PHACTR3: variants seen among roughly 807,000 people sequenced by gnomAD.
PHACTR3 encodes protein phosphatase 1, regulatory subunit 123.
A neutral mutation model predicts 66.8 loss-of-function variants in PHACTR3; 16 were observed. That is an observed-to-expected ratio of 0.24 (90% CI 0.16 to 0.36). The LOEUF (loss-of-function observed/expected upper bound fraction) is 0.36. Among genes scored for constraint, PHACTR3 ranks in the 10% least tolerant of loss-of-function variants. The pLI is 1.00. For missense variants in PHACTR3, 647 were observed against 719.9 expected (o/e 0.90, Z 1.16); for synonymous variants, 323 against 292.1 (o/e 1.11, Z -1.08).
chr20:59,748,023 G>A (rs1465596469), intron 3 of PHACTR3, among the ~76,000 whole-genome samples, 188 bp downstream of exon 3: 4 of 152,176 alleles, frequency 2.6e-5, no homozygotes, highest in Admixed American at 2.0e-4. Context: ...GCCCCCAGGG[G>A]CACGGGAGAC....
chr20:59,788,651 G>A (rs1056842223), intron 7 of PHACTR3, among the ~76,000 whole-genome samples: 5 of 152,090 alleles, frequency 3.3e-5, no homozygotes, highest in Non-Finnish European at 5.9e-5. Flanking sequence ...TCCATCCCTG[G>A]CTCCAGCTCT....
intron 8 of PHACTR3, among the ~76,000 whole-genome samples, chr20:59,826,091 T>G (rs1414320403): frequency 6.6e-6 from 1 of 151,012 alleles, no homozygotes; most frequent in African/African-American, 2.4e-5. Flanking sequence ...TATAAGACAC[T>G]GAGCTTAGGG....
intron 8 of PHACTR3, among the ~76,000 whole-genome samples, chr20:59,818,201 G>C (rs2041937833): frequency 6.6e-6 from 1 of 152,220 alleles, no homozygotes; most frequent in South Asian, 2.1e-4. Context: ...CAGCTCTGCA[G>C]TTTTCCAGCA....
rs781134762 is a variant in PHACTR3 at position 59,755,315 on chromosome 20, G to T, written c.492G>T (p.Gln164His). The change falls in exon 4 of 13, where the codon CAG becomes CAT. Residue 164 changes from glutamine (Q) to histidine (H), a missense_variant. Physicochemically the swap from Gln to His is conservative, Grantham distance 24 (BLOSUM62 0). Around this residue, in one of 2 missense-constraint regions of PHACTR3, gnomAD observed 577 missense variants for 571.1 expected, o/e 1.01. Coordinates refer to ENST00000371015, the MANE Select transcript of PHACTR3 (RefSeq NM_080672.5). Reference sequence around the variant, plus strand: ...GCCCCTTGGCCACTGGGACGGACCAGGTCTCCCTGGACAAGCCACTGTCCT... The same window carrying T: ...GCCCCTTGGCCACTGGGACGGACCATGTCTCCCTGGACAAGCCACTGTCCT... ...PGSPLATGTD[Q>H]VSLDKPLSSA... The T allele has an allele frequency of 1.2e-6, 2 of 1,612,624 alleles. No individual in the cohort carries two copies. Among genetic ancestry groups the T allele is most frequent in the South Asian group, 1.1e-5 (1 of 91,044 alleles).
chr20:59,589,313 C>T (rs894512547), intron 1 of PHACTR3, among the ~76,000 whole-genome samples: 1 of 152,164 alleles, frequency 6.6e-6, no homozygotes, highest in Non-Finnish European at 1.5e-5. Flanking sequence ...TGCGAAATCC[C>T]GATGGACCCA....
intron 1 of PHACTR3, among the ~76,000 whole-genome samples, chr20:59,717,920 A>G (rs1226102721): frequency 6.6e-6 from 1 of 152,158 alleles, no homozygotes; most frequent in East Asian, 1.9e-4. Context: ...GTCCTTTGTG[A>G]TGGTAGCTCC....
At chr20:59,595,354 C>T (rs537876190) in intron 1 of PHACTR3, among the ~76,000 whole-genome samples, 4 of 152,096 alleles carry the variant, frequency 2.6e-5, no homozygotes, top group Non-Finnish European at 4.4e-5. Flanking sequence ...CCCGGCGAAT[C>T]GGGCGGTTGA....
chr20:59,622,995 A>AAAAAAAAAAAAAAAAAAAAAAAAAAAC (rs1176671091), intron 1 of PHACTR3, among the ~76,000 whole-genome samples: 1 of 146,786 alleles, frequency 6.8e-6, no homozygotes, highest in Non-Finnish European at 1.5e-5. Context: ...AAAAAAAAAA[A>AAAAAAAAAAAAAAAAAAAAAAAAAAAC]AAAAAACCCA....
At chr20:59,751,984 T>C (rs1286087819) in intron 3 of PHACTR3, among the ~76,000 whole-genome samples, 1 of 152,212 alleles carries the variant, frequency 6.6e-6, no homozygotes, top group Non-Finnish European at 1.5e-5. Flanking sequence ...TCCATCTCCC[T>C]GTATGCGTTG....
chr20:59,740,713 G>A (rs543963923), intron 1 of PHACTR3, among the ~76,000 whole-genome samples: 20 of 152,214 alleles, frequency 1.3e-4, no homozygotes, highest in Non-Finnish European at 2.9e-4. Context: ...AAGGGGCCGG[G>A]TGGCTTACTC....
chr20:59,587,837 T>C (rs1342710271), intron 1 of PHACTR3, among the ~76,000 whole-genome samples: 1 of 152,230 alleles, frequency 6.6e-6, no homozygotes, highest in East Asian at 1.9e-4. Flanking sequence ...GGCTCACGTC[T>C]ACCTTCAAGG....
intron 1 of PHACTR3, among the ~76,000 whole-genome samples, chr20:59,681,958 A>G (rs1246082688): frequency 6.6e-6 from 1 of 151,294 alleles, no homozygotes; most frequent in African/African-American, 2.4e-5. Context: ...TGCGGTGAGC[A>G]GAGATCGTGC....
chr20:59,595,801 C>G (rs553880561), intron 1 of PHACTR3, among the ~76,000 whole-genome samples: 6 of 152,274 alleles, frequency 3.9e-5, no homozygotes. Context: ...ATTATTATGT[C>G]TTTTTGGAGA....
At chr20:59,689,990 G>A (rs931681208) in intron 1 of PHACTR3, among the ~76,000 whole-genome samples, 27 of 152,188 alleles carry the variant, frequency 1.8e-4, no homozygotes, top group African/African-American at 6.5e-4. Context: ...CTGGGCGATG[G>A]GAGTGATCAT....
In PHACTR3 at chr20:59,605,050, G is replaced by C. The variant is rs2033610018; in HGVS notation, c.36G>C (p.Val12=). 7.2e-7 allele frequency: 1 copy of C among 1,389,630 alleles called. No homozygotes were observed. Among genetic ancestry groups the C allele is most frequent in the Non-Finnish European group, 9.4e-7 (1 of 1,064,222 alleles). 86.1% of individuals were successfully genotyped at this position (1,389,630 alleles called of 1,614,324 possible). ...AASEDGSGCL[V]SRGRSQSDPS... ...CGGAGGACGGGAGCGGCTGCCTCGT[G>C]TCGCGGGGCCGCTCGCAGAGTGACC... Residue 12 remains valine (V), a synonymous_variant, in exon 1 of 13, where the codon GTG becomes GTC. Coordinates refer to ENST00000371015, the MANE Select transcript of PHACTR3 (RefSeq NM_080672.5).
intron 1 of PHACTR3, among the ~76,000 whole-genome samples, chr20:59,699,936 T>A (rs2037436654): frequency 1.3e-5 from 2 of 152,158 alleles, no homozygotes; most frequent in African/African-American, 4.8e-5. Flanking sequence ...CACTCCAGCC[T>A]GGCAACAGAG....
chr20:59,634,066 T>C (rs1405735606), intron 1 of PHACTR3, among the ~76,000 whole-genome samples: 7 of 152,244 alleles, frequency 4.6e-5, no homozygotes, highest in Non-Finnish European at 5.9e-5. Context: ...ACTCCGTCAC[T>C]GTTCAGCGCC....
intron 7 of PHACTR3, among the ~76,000 whole-genome samples, chr20:59,775,085 C>CAGGT (rs1168332327): frequency 3.8e-5 from 1 of 26,436 alleles, no homozygotes; most frequent in Non-Finnish European, 1.8e-4. Context: ...GTGCGTTCTC[C>CAGGT]CATGAGGTAA....
At chr20:59,618,096 G>A (rs939661296) in intron 1 of PHACTR3, among the ~76,000 whole-genome samples, 2 of 152,208 alleles carry the variant, frequency 1.3e-5, no homozygotes, top group Non-Finnish European at 2.9e-5. Context: ...AGGTGGCTTC[G>A]AATTAACTAG....
Sources: gnomAD v4.1 joint callset for allele counts (sites outside exome capture counted in the v4.1 genomes callset) on GRCh38, gnomAD v4.1.1 for gene constraint, gnomAD v4.1.1 regional missense constraint, MANE v1.5 for transcripts, NCBI Gene and HGNC (gene_info 2026-07-23, HGNC 2026-07-21) for gene names.